The following ROCK2 variants were observed in gnomAD, a reference collection of about 807,000 sequenced individuals.
ROCK2 encodes the protein rho-associated protein kinase 2.
In ROCK2, 61 loss-of-function variants were observed where a neutral mutation model predicts 195.1. The observed-to-expected ratio is 0.31, with a 90% CI of 0.25 to 0.39. The LOEUF is 0.39. Among genes scored for constraint, ROCK2 ranks in the 10% least tolerant of loss-of-function variants. The probability of loss-of-function intolerance (pLI) is 1.00; values close to 1 mark genes in which losing one functional copy is unlikely to be tolerated. For synonymous variants in ROCK2, 504 were observed against 545.5 expected, an observed-to-expected ratio of 0.92 and a Z score of 1.06; for missense variants, 1,109 against 1,637.4, an observed-to-expected ratio of 0.68 and a Z score of 5.57.
chr2:11,180,115 T>C lies in ROCK2; in HGVS notation c.*3322A>G, dbSNP rs2148011159. Reference sequence around the variant, plus strand: ...TTCCAGGGAAGGAGAGGTGAGTCAGTAGCAGTGTCAATGCAGACTCAGAAG... The same window carrying C: ...TTCCAGGGAAGGAGAGGTGAGTCAGCAGCAGTGTCAATGCAGACTCAGAAG... On this transcript the variant is annotated 3_prime_UTR_variant, in exon 33 of 33. Coordinates refer to ENST00000315872, the MANE Select transcript of ROCK2 (RefSeq NM_004850.5). 1 of 152,298 alleles carries C rather than the reference T, an allele frequency of 6.6e-6. No individual in the cohort carries two copies. The highest frequency in any genetic ancestry group is 2.1e-4 in the South Asian group (1 of 4,828). The allele number at this position is 152,298 out of a possible 1,614,324, so 9.4% of individuals were successfully genotyped here.
intron 3 of ROCK2, among the ~76,000 whole-genome samples, chr2:11,269,615 T>C (rs1666553352): frequency 6.6e-6 from 1 of 152,226 alleles, no homozygotes; most frequent in Non-Finnish European, 1.5e-5. Flanking sequence ...TTGAATGGCC[T>C]ATATACATTT....
intron 1 of ROCK2, among the ~76,000 whole-genome samples, chr2:11,323,815 A>G (rs760269875): frequency 3.3e-5 from 5 of 152,166 alleles, no homozygotes; most frequent in Non-Finnish European, 7.3e-5. Flanking sequence ...TACGTTTGTT[A>G]CAACTAACAA....
chr2:11,321,026 C>A (rs1308180939), intron 1 of ROCK2, among the ~76,000 whole-genome samples: 3 of 152,162 alleles, frequency 2.0e-5, no homozygotes, highest in South Asian at 4.1e-4. Context: ...AAGAATAATT[C>A]CTGCCATGCT....
At chr2:11,207,272 A>G (rs1041829971) in intron 20 of ROCK2, among the ~76,000 whole-genome samples, 1 of 152,182 alleles carries the variant, frequency 6.6e-6, no homozygotes, top group Admixed American at 6.6e-5. Flanking sequence ...AAAGTATTTT[A>G]ACAATATGTT....
chr2:11,326,353 C>G (rs1396387584), intron 1 of ROCK2, among the ~76,000 whole-genome samples: 1 of 152,228 alleles, frequency 6.6e-6, no homozygotes, highest in African/African-American at 2.4e-5. Context: ...AGCAATTTGA[C>G]AAGTGTCAAG....
At chr2:11,313,739 C>T (rs7563928) in intron 1 of ROCK2, among the ~76,000 whole-genome samples, 117,889 of 151,720 alleles carry the variant, frequency 0.78, 47,946 homozygotes, top group East Asian at 0.94. Context: ...GGAATTTGTA[C>T]AGTTTCATTT....
At chr2:11,267,092 T>C (rs1444275366) in intron 3 of ROCK2, among the ~76,000 whole-genome samples, 3 of 152,242 alleles carry the variant, frequency 2.0e-5, no homozygotes, top group Admixed American at 1.3e-4. Flanking sequence ...AGGTCTGTCA[T>C]ATTCCTTCCA....
chr2:11,198,166 A>C (rs1194752397), intron 25 of ROCK2, among the ~76,000 whole-genome samples: 4 of 152,222 alleles, frequency 2.6e-5, no homozygotes, highest in African/African-American at 4.8e-5. Context: ...GCAGAGAGTG[A>C]ACTAACTGAC....
chr2:11,194,949 A>G lies in ROCK2; in HGVS notation c.3519+6T>C. 6.6e-7 allele frequency: 1 copy of G among 1,522,298 alleles called. No homozygotes were observed. Among genetic ancestry groups the G allele is most frequent in the South Asian group, 1.2e-5 (1 of 81,514 alleles). 94.3% of individuals were successfully genotyped at this position (1,522,298 alleles called of 1,614,324 possible). ...CAAAAGGCTCATATTCCAAAGTATC[A>G]ATTACCTTTTTAACCCATCCAAATT... On this transcript the variant is annotated splice_donor_region_variant and intron_variant, in intron 28 of 32. Transcript: ENST00000315872.
intron 3 of ROCK2, among the ~76,000 whole-genome samples, chr2:11,263,651 G>GCACACA (rs11376538): frequency 0.014 from 1,985 of 144,114 alleles, 27 homozygotes; most frequent in South Asian, 0.025. Flanking sequence ...ATAGCACAAG[G>GCACACA]CACACACACA....
chr2:11,255,751 C>G (rs927358715), intron 3 of ROCK2, among the ~76,000 whole-genome samples: 9 of 149,960 alleles, frequency 6.0e-5, no homozygotes, highest in Non-Finnish European at 1.3e-4. Context: ...GAAACCCCGT[C>G]TCTACTAAAA....
chr2:11,211,210 G>A (rs1263502072), intron 18 of ROCK2, among the ~76,000 whole-genome samples: 1 of 152,142 alleles, frequency 6.6e-6, no homozygotes, highest in Non-Finnish European at 1.5e-5. Flanking sequence ...AAAATACTCA[G>A]TGAACTTATA....
At position 11,344,327 on chromosome 2, in the gene ROCK2, GCCCGGCCCA is replaced by G. The variant is rs1413568599; in HGVS notation, c.-200_-192del. Reference sequence around the variant, plus strand: ...TGCTCCCAGGGGCCCGCCCGGCCCAGCCCGGCCCAGCCCGGCCCGGCCCTGCCGGGAGCG... The same window carrying G: ...TGCTCCCAGGGGCCCGCCCGGCCCAGGCCCGGCCCGGCCCTGCCGGGAGCG... On this transcript the variant is annotated 5_prime_UTR_variant, in exon 1 of 33. Transcript: ENST00000315872. This position sits in a 1 kb window ranked among gnomAD's most constrained non-coding sequence, Gnocchi z 5.4. 554 of 1,107,004 alleles carry G rather than the reference GCCCGGCCCA, an allele frequency of 5.0e-4. No individual in the cohort carries two copies. The highest frequency in any genetic ancestry group is 5.9e-4 in the Non-Finnish European group (524 of 895,024). The allele number at this position is 1,107,004 out of a possible 1,614,324, so 68.6% of individuals were successfully genotyped here.
At position 11,227,967 on chromosome 2, in the gene ROCK2, T is replaced by C. The variant is rs562065503; in HGVS notation, c.724-569A>G. On this transcript the variant is annotated intron_variant, in intron 5 of 32. Coordinates refer to ENST00000315872, the MANE Select transcript of ROCK2 (RefSeq NM_004850.5). ...CTTCCAAGCTATATATTTAGAAATA[T>C]GCAGCTGTGGCATCAATATATTTGG... Among the ~76,000 whole-genome samples the C allele has an allele frequency of 2.0e-5, 3 of 152,334 alleles. No homozygotes were observed. The East Asian group carries it at 5.8e-4, about 29-fold the overall frequency.
chr2:11,243,915 G>A (rs1665521520), intron 4 of ROCK2, among the ~76,000 whole-genome samples: 1 of 152,196 alleles, frequency 6.6e-6, no homozygotes, highest in Non-Finnish European at 1.5e-5. Context: ...ACTCTATACT[G>A]TCTGCTCAAT....
intron 3 of ROCK2, among the ~76,000 whole-genome samples, chr2:11,261,015 C>A (rs1354727161): frequency 6.6e-6 from 1 of 152,208 alleles, no homozygotes; most frequent in Non-Finnish European, 1.5e-5. Context: ...TGTGAGACTG[C>A]GTAGTGGCTG....
chr2:11,195,937 G>C (rs1307939505), intron 27 of ROCK2, among the ~76,000 whole-genome samples: 1 of 152,070 alleles, frequency 6.6e-6, no homozygotes, highest in Non-Finnish European at 1.5e-5. Context: ...ATGAATCCTC[G>C]GAATTTGTTT....
intron 3 of ROCK2, among the ~76,000 whole-genome samples, chr2:11,251,363 G>A (rs1220346487): frequency 1.3e-5 from 2 of 152,240 alleles, no homozygotes; most frequent in Non-Finnish European, 2.9e-5. Flanking sequence ...TACTTGGCAT[G>A]TGCCAGGCAC....
chr2:11,294,951 C>T (rs993936467), intron 1 of ROCK2, among the ~76,000 whole-genome samples: 1 of 151,914 alleles, frequency 6.6e-6, no homozygotes, highest in Admixed American at 6.6e-5. Context: ...CTATGCCCGG[C>T]TACTTTTTTG....
Sources: allele counts gnomAD v4.1 joint callset (sites outside exome capture counted in the v4.1 genomes callset), GRCh38; gene constraint gnomAD v4.1.1; non-coding constraint Gnocchi (gnomAD v3.1); transcripts MANE v1.5; gene names NCBI Gene and HGNC (gene_info 2026-07-23, HGNC 2026-07-21).